Variants in PRKCE observed in about 807,000 individuals in gnomAD.
PRKCE encodes the protein protein kinase C epsilon.
Under a neutral mutation model 85.4 loss-of-function variants are expected in PRKCE, and 16 were observed. The ratio of observed to expected loss-of-function variants is 0.19; its 90% CI spans 0.13 to 0.28. The LOEUF (loss-of-function observed/expected upper bound fraction) is 0.28. Among genes scored for constraint, PRKCE ranks in the 10% least tolerant of loss-of-function variants. The probability of loss-of-function intolerance (pLI) is 1.00; values close to 1 mark genes in which losing one functional copy is unlikely to be tolerated. For missense variants in PRKCE, 573 were observed against 975.2 expected (o/e 0.59, Z 5.49); for synonymous variants, 388 against 371.5 (o/e 1.04, Z -0.51).
At chr2:45,984,204 C>T (rs527503023) in intron 5 of PRKCE, among the ~76,000 whole-genome samples, 1 of 152,224 alleles carries the variant, frequency 6.6e-6, no homozygotes, top group Admixed American at 6.5e-5. Context: ...TCCCAAAATG[C>T]TGGGATTACA....
chr2:45,718,134 C>T (rs1287919188), intron 1 of PRKCE, among the ~76,000 whole-genome samples: 2 of 152,108 alleles, frequency 1.3e-5, no homozygotes, highest in African/African-American at 2.4e-5. Flanking sequence ...CTGTCTTACG[C>T]ATTTTAGGGT....
chr2:45,745,426 A>G (rs1339793209), intron 1 of PRKCE, among the ~76,000 whole-genome samples: 1 of 152,074 alleles, frequency 6.6e-6, no homozygotes, highest in East Asian at 1.9e-4. Flanking sequence ...CCCTGTTCTC[A>G]ACAACATTTC....
intron 1 of PRKCE, among the ~76,000 whole-genome samples, chr2:45,835,002 G>T (rs1396396523): frequency 6.6e-6 from 1 of 152,224 alleles, no homozygotes; most frequent in African/African-American, 2.4e-5. Context: ...TTGATCACAG[G>T]AGACAGGAGA....
chr2:45,737,396 T>C (rs937310730), intron 1 of PRKCE, among the ~76,000 whole-genome samples: 3 of 152,214 alleles, frequency 2.0e-5, no homozygotes, highest in African/African-American at 4.8e-5. Flanking sequence ...TGGAACACGC[T>C]GTGCTCTTCT....
intron 2 of PRKCE, among the ~76,000 whole-genome samples, chr2:45,894,519 T>G (rs1184175303): frequency 6.6e-6 from 1 of 151,260 alleles, no homozygotes; most frequent in African/African-American, 2.4e-5. Flanking sequence ...TGAAGGAAGG[T>G]GACCTTGGGC....
chr2:45,896,073 G>T (rs1045923476), intron 2 of PRKCE, among the ~76,000 whole-genome samples: 29 of 152,210 alleles, frequency 1.9e-4, no homozygotes, highest in African/African-American at 7.0e-4. Flanking sequence ...CCCCTTTGAG[G>T]TGTAAGCATA....
In PRKCE at chr2:45,836,006, G is replaced by A. The variant is rs565261989; in HGVS notation, c.349-6994G>A. Among the ~76,000 whole-genome samples, 6 of 152,312 alleles carry A rather than the reference G, an allele frequency of 3.9e-5. No homozygotes were observed. In the South Asian group the frequency reaches 1.2e-3, roughly 32 times the overall value. ...GACATTTCCAGTTTTGGGCTGTTAG[G>A]AATGAAGCTGCTGTGAACATTTCTG... On this transcript the variant is annotated intron_variant, in intron 1 of 14. Transcript: ENST00000306156.
At chr2:45,832,660 C>G (rs1487274953) in intron 1 of PRKCE, among the ~76,000 whole-genome samples, 1 of 152,208 alleles carries the variant, frequency 6.6e-6, no homozygotes. Context: ...TGACAGCTCA[C>G]AACGTGTTCT....
At chr2:45,926,222 A>G (rs918498423) in intron 2 of PRKCE, among the ~76,000 whole-genome samples, 2 of 152,220 alleles carry the variant, frequency 1.3e-5, no homozygotes, top group Non-Finnish European at 2.9e-5. Flanking sequence ...ATGCAAGGGA[A>G]CTTGGCTGGC....
chr2:45,938,164 C>T (rs915539372), intron 2 of PRKCE, among the ~76,000 whole-genome samples: 2 of 152,178 alleles, frequency 1.3e-5, no homozygotes, highest in Non-Finnish European at 2.9e-5. Flanking sequence ...GAACCATCTG[C>T]TCTCTTAGCC....
chr2:45,777,395 G>C (rs943193614), intron 1 of PRKCE, among the ~76,000 whole-genome samples: 3 of 151,984 alleles, frequency 2.0e-5, no homozygotes, highest in African/African-American at 7.3e-5. Context: ...TAGAGCCACC[G>C]TGAACCTCAG....
At chr2:45,933,184 A>G (rs982863340) in intron 2 of PRKCE, among the ~76,000 whole-genome samples, 1 of 152,214 alleles carries the variant, frequency 6.6e-6, no homozygotes, top group East Asian at 1.9e-4. Context: ...GCTTTAAAAA[A>G]GATGATTTTT....
At chr2:45,964,953 A>G (rs59298278) in intron 2 of PRKCE, among the ~76,000 whole-genome samples, 14,408 of 152,252 alleles carry the variant, frequency 0.095, 1,449 homozygotes, top group African/African-American at 0.26. Flanking sequence ...CACAGCAAAG[A>G]TCATTCAGAA....
chr2:46,098,988 T>A (rs1045239337), intron 11 of PRKCE, among the ~76,000 whole-genome samples: 2 of 152,124 alleles, frequency 1.3e-5, no homozygotes, highest in Non-Finnish European at 2.9e-5. Flanking sequence ...AGACTACACT[T>A]AATTGGCTTT....
At chr2:45,953,450 C>T (rs1700761088) in intron 2 of PRKCE, among the ~76,000 whole-genome samples, 1 of 152,216 alleles carries the variant, frequency 6.6e-6, no homozygotes, top group Admixed American at 6.5e-5. Flanking sequence ...TCCCTTCCCT[C>T]TCCCTGAACA....
chr2:46,004,201 C>T lies in PRKCE; in HGVS notation c.967-341C>T, dbSNP rs1704965823. 6.2e-6 allele frequency: 2 copies of T among 323,972 alleles called. No individual in the cohort carries two copies. The highest frequency in any genetic ancestry group is 5.5e-5 in the South Asian group (2 of 36,518). 20.1% of individuals were successfully genotyped at this position (323,972 alleles called of 1,614,324 possible). On this transcript the variant is annotated intron_variant, in intron 7 of 14. Transcript: ENST00000306156. The surrounding 1 kb of genome is among the most constrained non-coding windows in gnomAD (Gnocchi z 4.1). ...CCAGCTTGCTAACCTTTATGGTGTC[C>T]TCGCACAACCCGAACTACTTCATCC...
chr2:45,926,972 G>A lies in PRKCE; in HGVS notation c.413-49457G>A, dbSNP rs536982604. Among the ~76,000 whole-genome samples, 6 of 152,312 alleles carry A rather than the reference G, an allele frequency of 3.9e-5. No homozygotes were observed. In the East Asian group the frequency reaches 1.2e-3, roughly 29 times the overall value. On this transcript the variant is annotated intron_variant, in intron 2 of 14. Coordinates refer to ENST00000306156, the MANE Select transcript of PRKCE (RefSeq NM_005400.3). ...AGAACCTGTATATGTGCATGTGTGA[G>A]CGTGCATGGGACACAGGATGGTGAG...
At chr2:46,124,931 A>T (rs3768746) in intron 11 of PRKCE, among the ~76,000 whole-genome samples, 5,717 of 152,298 alleles carry the variant, frequency 0.038, 159 homozygotes, top group East Asian at 0.11. Flanking sequence ...TTTTAGACAC[A>T]TTTAAATCTT....
intron 2 of PRKCE, among the ~76,000 whole-genome samples, chr2:45,855,663 G>A (rs188992391): frequency 1.3e-5 from 2 of 152,192 alleles, no homozygotes; most frequent in Admixed American, 1.3e-4. Context: ...GCTTGCTTGT[G>A]TGTCCTGTGA....
Sources: allele counts gnomAD v4.1 joint callset (sites outside exome capture counted in the v4.1 genomes callset), GRCh38; gene constraint gnomAD v4.1.1; non-coding constraint Gnocchi (gnomAD v3.1); transcripts MANE v1.5; gene names NCBI Gene and HGNC (gene_info 2026-07-23, HGNC 2026-07-21).